The following RIMBP2 variants were observed in gnomAD, a reference collection of about 807,000 sequenced individuals.
The protein encoded by RIMBP2 is RIMS-binding protein 2.
In RIMBP2, 48 loss-of-function variants were observed where a neutral mutation model predicts 118.6. The ratio of observed to expected loss-of-function variants is 0.40; its 90% CI spans 0.32 to 0.51. The LOEUF (loss-of-function observed/expected upper bound fraction) is 0.51. Ranked by LOEUF, RIMBP2 falls within the 20% of genes least tolerant of loss-of-function variation. The pLI is 0.41. For missense variants in RIMBP2, 1,551 were observed against 1,768.3 expected, an observed-to-expected ratio of 0.88 and a Z score of 2.20; for synonymous variants, 762 against 742.9, an observed-to-expected ratio of 1.03 and a Z score of -0.42.
At chr12:130,645,331 A>G (rs767181105) in intron 1 of RIMBP2, among the ~76,000 whole-genome samples, 8 of 152,178 alleles carry the variant, frequency 5.3e-5, no homozygotes, top group Non-Finnish European at 1.0e-4. Flanking sequence ...AGCTTTTACC[A>G]GCACACCGCT....
chr12:130,704,662 T>C (rs1175353149), intron 1 of RIMBP2, among the ~76,000 whole-genome samples: 1 of 152,138 alleles, frequency 6.6e-6, no homozygotes, highest in Non-Finnish European at 1.5e-5. Flanking sequence ...CTCCGCATTT[T>C]CTAACCCACT....
At chr12:130,640,368 T>C (rs1256224351) in intron 1 of RIMBP2, among the ~76,000 whole-genome samples, 1 of 152,248 alleles carries the variant, frequency 6.6e-6, no homozygotes, top group Non-Finnish European at 1.5e-5. Flanking sequence ...TATGGAACCT[T>C]CCATCACAGA....
intron 4 of RIMBP2, among the ~76,000 whole-genome samples, chr12:130,482,989 C>G (rs1346873903): frequency 1.2e-5 from 1 of 86,588 alleles, no homozygotes; most frequent in African/African-American, 4.8e-5. Context: ...CAATTACACC[C>G]ATTGTGTGTG....
chr12:130,495,699 A>AT (rs749578400), intron 4 of RIMBP2, among the ~76,000 whole-genome samples: 7 of 152,178 alleles, frequency 4.6e-5, no homozygotes, highest in Non-Finnish European at 8.8e-5. Context: ...TTGAGGGTGT[A>AT]TATCAATGAA....
In RIMBP2 at chr12:130,620,760, G is replaced by C. The variant is rs557421387; in HGVS notation, c.-217+7562C>G. Among the ~76,000 whole-genome samples the C allele has an allele frequency of 3.9e-5, 6 of 152,302 alleles. No homozygotes were observed. Among genetic ancestry groups the C allele is most frequent in the African/African-American group, 1.4e-4 (6 of 41,556 alleles). Reference sequence around the variant, plus strand: ...GATTAAGGCCTAATCTAATGACCTTGCTTTAAGTTGGTCACCTCTATAAAG... The same window carrying C: ...GATTAAGGCCTAATCTAATGACCTTCCTTTAAGTTGGTCACCTCTATAAAG... On this transcript the variant is annotated intron_variant, in intron 2 of 22. Coordinates refer to ENST00000690449, the MANE Select transcript of RIMBP2 (RefSeq NM_001393629.1). This position sits in a 1 kb window ranked among gnomAD's most constrained non-coding sequence, Gnocchi z 5.3.
intron 2 of RIMBP2, among the ~76,000 whole-genome samples, chr12:130,592,523 T>C (rs1485161985): frequency 6.6e-6 from 1 of 152,018 alleles, no homozygotes; most frequent in Non-Finnish European, 1.5e-5. Context: ...ACCCCATCTC[T>C]ACTAAAAATA....
At chr12:130,664,185 G>T (rs1302232302) in intron 1 of RIMBP2, among the ~76,000 whole-genome samples, 1 of 151,732 alleles carries the variant, frequency 6.6e-6, no homozygotes, top group Non-Finnish European at 1.5e-5. Context: ...GGATTAAGCA[G>T]ATAAATATGT....
rs146279131 is a variant in RIMBP2, at chr12:130,710,439, C to A, written c.-352+5783G>T. On this transcript the variant is annotated intron_variant, in intron 1 of 22. Coordinates refer to ENST00000690449, the MANE Select transcript of RIMBP2 (RefSeq NM_001393629.1). The surrounding 1 kb of genome is among the most constrained non-coding windows in gnomAD (Gnocchi z 4.3). Reference sequence around the variant, plus strand: ...TTACACATGCACACACACACATACACGCAGGCGCACACACACACATACACA... The same window carrying A: ...TTACACATGCACACACACACATACAAGCAGGCGCACACACACACATACACA... 2.0e-5 allele frequency among the ~76,000 whole-genome samples: 3 copies of A among 152,066 alleles called. No homozygotes were observed. Among genetic ancestry groups the A allele is most frequent in the Non-Finnish European group, 2.9e-5 (2 of 68,002 alleles).
chr12:130,590,459 A>G (rs552430284), intron 2 of RIMBP2, among the ~76,000 whole-genome samples: 2 of 152,288 alleles, frequency 1.3e-5, no homozygotes, highest in Admixed American at 1.3e-4. Flanking sequence ...CCGCCAGAAT[A>G]AGCAATTCCA....
intron 2 of RIMBP2, among the ~76,000 whole-genome samples, chr12:130,564,061 TCCCCTCTTCCTCTTCTCCC>T (rs1241853801): frequency 3.8e-5 from 5 of 132,296 alleles, no homozygotes; most frequent in Admixed American, 8.0e-5. Context: ...CCTCTCTCTG[TCCCCTCTTCCTCTTCTCCC>T]AGGTGCCCAC....
At chr12:130,421,864 C>G (rs987970886) in intron 17 of RIMBP2, among the ~76,000 whole-genome samples, 1 of 152,112 alleles carries the variant, frequency 6.6e-6, no homozygotes, top group Non-Finnish European at 1.5e-5. Context: ...ATGACTAAAA[C>G]GATAGCTTTC....
chr12:130,448,222 C>T (rs950967722), intron 9 of RIMBP2, among the ~76,000 whole-genome samples: 8 of 152,104 alleles, frequency 5.3e-5, no homozygotes, highest in South Asian at 2.1e-4. Flanking sequence ...GTGATGGCCA[C>T]GGGAGAGGCA....
chr12:130,676,510 C>T (rs990152019), intron 1 of RIMBP2, among the ~76,000 whole-genome samples: 1 of 151,780 alleles, frequency 6.6e-6, no homozygotes, highest in African/African-American at 2.4e-5. Context: ...GTAGTCCCAG[C>T]TACTCAGGAG....
At chr12:130,506,805 C>T in intron 3 of RIMBP2, 35 bp from the exon 4 acceptor site, 1 of 985,554 alleles carries the variant, frequency 1.0e-6, no homozygotes, top group Non-Finnish European at 1.2e-6. Flanking sequence ...AGGAGGTTAT[C>T]ACAACATGCC....
At position 130,397,409 on chromosome 12, in the gene RIMBP2, C is replaced by A. The variant is rs1370754083; in HGVS notation, c.4041G>T (p.Leu1347=). 2.5e-6 allele frequency: 1 copy of A among 398,960 alleles called. No individual in the cohort carries two copies. The highest frequency in any genetic ancestry group is 4.4e-6 in the Non-Finnish European group (1 of 226,122). 24.7% of individuals were successfully genotyped at this position (398,960 alleles called of 1,614,324 possible). A position where few individuals can be genotyped will look rare whatever the true frequency, so the allele number is the denominator to read the frequency against. The change falls in exon 23 of 23, where the codon CTG becomes CTT. Residue 1347 remains leucine (L), a synonymous_variant. Transcript: ENST00000690449. ...REMSSKKKKG[L]LSKGKKLLKK... Reference sequence around the variant, plus strand: ...TCAGCAGTTTCTTGCCTTTGGAAAGCAGCCCCTTTTTCTTTTTCGAGGACA... The same window carrying A: ...TCAGCAGTTTCTTGCCTTTGGAAAGAAGCCCCTTTTTCTTTTTCGAGGACA...
chr12:130,593,543 G>A (rs1157261899), intron 2 of RIMBP2, among the ~76,000 whole-genome samples: 1 of 152,238 alleles, frequency 6.6e-6, no homozygotes, highest in East Asian at 1.9e-4. Flanking sequence ...ACCCTTGGCG[G>A]CTGGAGGGAG....
intron 1 of RIMBP2, among the ~76,000 whole-genome samples, chr12:130,654,380 G>A (rs572194362): frequency 2.0e-5 from 3 of 152,160 alleles, no homozygotes; most frequent in Non-Finnish European, 4.4e-5. Context: ...ATGCAGCCAG[G>A]TTCTTTGCTT....
chr12:130,531,714 T>G (rs565876661), intron 2 of RIMBP2, among the ~76,000 whole-genome samples: 4 of 152,236 alleles, frequency 2.6e-5, no homozygotes. Context: ...TGCAGAGGTA[T>G]GAACAGAGCA....
chr12:130,541,982 T>C (rs2139567412), intron 2 of RIMBP2, among the ~76,000 whole-genome samples: 1 of 152,342 alleles, frequency 6.6e-6, no homozygotes, highest in African/African-American at 2.4e-5. Context: ...ACAACCATAC[T>C]CAGGGGCTCT....
Sources: gnomAD v4.1 joint callset for allele counts (sites outside exome capture counted in the v4.1 genomes callset) on GRCh38, gnomAD v4.1.1 for gene constraint, Gnocchi (gnomAD v3.1) non-coding constraint, MANE v1.5 for transcripts, NCBI Gene and HGNC (gene_info 2026-07-23, HGNC 2026-07-21) for gene names.